The following KCNK10 variants were observed in gnomAD, a reference collection of about 807,000 sequenced individuals.
The protein encoded by KCNK10 is potassium channel subfamily K member 10.
KCNK10 carries 25 observed loss-of-function variants against 47.7 expected under a neutral mutation model. That is an observed-to-expected ratio of 0.52 (90% CI 0.38 to 0.73). The LOEUF (loss-of-function observed/expected upper bound fraction) is 0.73, where lower values mean the gene tolerates loss of function less well. KCNK10 is among the 30% of genes least tolerant of loss of function. KCNK10 has a pLI of 0.00. For missense variants in KCNK10, 563 were observed against 714.5 expected, an observed-to-expected ratio of 0.79 and a Z score of 2.42; for synonymous variants, 303 against 285.6, an observed-to-expected ratio of 1.06 and a Z score of -0.61.
intron 1 of KCNK10, among the ~76,000 whole-genome samples, chr14:88,264,953 C>T (rs1288759717): frequency 6.6e-6 from 1 of 152,188 alleles, no homozygotes; most frequent in Non-Finnish European, 1.5e-5. Context: ...ATTCATTCTG[C>T]CTCATCACTG....
At chr14:88,194,244 T>G (rs1211403942) in intron 4 of KCNK10, among the ~76,000 whole-genome samples, 1 of 152,228 alleles carries the variant, frequency 6.6e-6, no homozygotes, top group Non-Finnish European at 1.5e-5. Context: ...GCAGGGAAAG[T>G]TTTGTCTATT....
chr14:88,251,232 CAAAAAAAA>C (rs1160023262), intron 2 of KCNK10, among the ~76,000 whole-genome samples: 17 of 70,204 alleles, frequency 2.4e-4, no homozygotes, highest in Non-Finnish European at 3.7e-4. Context: ...GACTCTGTCT[CAAAAAAAA>C]AAAAAAAAAA....
At chr14:88,325,975 C>T (rs1008537684), upstream of KCNK10, among the ~76,000 whole-genome samples, 1 of 152,030 alleles carries the variant, frequency 6.6e-6, no homozygotes, top group African/African-American at 2.4e-5. Flanking sequence ...GGGGTAGACT[C>T]TATTAGGGCA....
intron 2 of KCNK10, among the ~76,000 whole-genome samples, chr14:88,246,830 A>T (rs1566701000): frequency 1.3e-5 from 2 of 152,232 alleles, no homozygotes; most frequent in African/African-American, 4.8e-5. Flanking sequence ...ATGAGGACTA[A>T]TACCTTCCAT....
In KCNK10 at chr14:88,185,487, A is replaced by C. The variant is rs907847509; in HGVS notation, c.*48T>G. ...GTCTCAGTGTGAATATTAAAAACACACACACACACACACACAACGCTCAGT... is the reference window on the plus strand; with the variant it reads ...GTCTCAGTGTGAATATTAAAAACACCCACACACACACACACAACGCTCAGT... On this transcript the variant is annotated 3_prime_UTR_variant, in exon 7 of 7. Coordinates refer to ENST00000319231, the MANE Select transcript of KCNK10 (RefSeq NM_138317.3). The surrounding 1 kb of genome is among the most constrained non-coding windows in gnomAD (Gnocchi z 4.3). 1 of 1,562,518 alleles carries C rather than the reference A, an allele frequency of 6.4e-7. No homozygotes were observed.
intron 1 of KCNK10, among the ~76,000 whole-genome samples, chr14:88,280,113 G>C (rs957098839): frequency 3.9e-5 from 6 of 152,118 alleles, no homozygotes; most frequent in African/African-American, 1.4e-4. Context: ...TCCTAAAACT[G>C]CATAAAATCT....
intron 4 of KCNK10, among the ~76,000 whole-genome samples, chr14:88,220,362 A>G (rs188648361): frequency 0.011 from 1,335 of 126,758 alleles, 10 homozygotes; most frequent in South Asian, 0.016. Flanking sequence ...GCTTGCAGTG[A>G]GCCGAGATCG....
At chr14:88,239,876 TAAAATAAAATAAAATAAAATA>T (rs1177362787) in intron 3 of KCNK10, among the ~76,000 whole-genome samples, 1 of 131,590 alleles carries the variant, frequency 7.6e-6, no homozygotes, top group Non-Finnish European at 1.6e-5. Context: ...TAAAATAAAA[TAAAATAAAATAAAATAAAATA>T]AAATAAATAA....
At chr14:88,204,915 A>T (rs1286949784) in intron 4 of KCNK10, among the ~76,000 whole-genome samples, 1 of 152,190 alleles carries the variant, frequency 6.6e-6, no homozygotes, top group Non-Finnish European at 1.5e-5. Context: ...CATAGTATAC[A>T]TTAGGGTTCA....
intron 1 of KCNK10, among the ~76,000 whole-genome samples, chr14:88,317,820 C>T (rs1888460370): frequency 6.6e-6 from 1 of 152,134 alleles, no homozygotes; most frequent in Non-Finnish European, 1.5e-5. Context: ...AAGGTATGGG[C>T]TTCTCCAGAA....
At chr14:88,261,355 C>G (rs1437722594) in intron 2 of KCNK10, among the ~76,000 whole-genome samples, 1 of 152,220 alleles carries the variant, frequency 6.6e-6, no homozygotes, top group Non-Finnish European at 1.5e-5. Context: ...CTTAAAACTA[C>G]TCCAGAATTG....
intron 4 of KCNK10, among the ~76,000 whole-genome samples, chr14:88,197,149 C>G (rs1884939967): frequency 6.6e-6 from 1 of 152,176 alleles, no homozygotes; most frequent in Admixed American, 6.5e-5. Flanking sequence ...TGCAAGACAC[C>G]TATGACAGAC....
chr14:88,195,373 G>T (rs1303819010), intron 4 of KCNK10, among the ~76,000 whole-genome samples: 1 of 152,200 alleles, frequency 6.6e-6, no homozygotes, highest in Non-Finnish European at 1.5e-5. Flanking sequence ...TTAGCACAGT[G>T]CCTGGTTAAT....
At chr14:88,188,169 C>T (rs1455095717) in intron 5 of KCNK10, 60 bp from the exon 6 acceptor site, 3 of 1,555,054 alleles carry the variant, frequency 1.9e-6, no homozygotes, top group Non-Finnish European at 1.8e-6. Flanking sequence ...GCAGAGAACA[C>T]ATATTCCATT....
At chr14:88,293,055 G>T (rs1054565110) in intron 1 of KCNK10, among the ~76,000 whole-genome samples, 6 of 152,152 alleles carry the variant, frequency 3.9e-5, no homozygotes, top group Non-Finnish European at 7.4e-5. Flanking sequence ...GCCTGGAAAA[G>T]CTGTGAGGTA....
chr14:88,214,401 A>G (rs942467350), intron 4 of KCNK10, among the ~76,000 whole-genome samples: 11 of 152,224 alleles, frequency 7.2e-5, no homozygotes, highest in African/African-American at 2.7e-4. Flanking sequence ...CAGGTTGTAC[A>G]AAGTAGAGCA....
chr14:88,237,217 A>G (rs1223578050), intron 3 of KCNK10, among the ~76,000 whole-genome samples: 12 of 152,224 alleles, frequency 7.9e-5, no homozygotes, highest in Non-Finnish European at 1.2e-4. Context: ...ATCCATAAGA[A>G]GAAGCTCCTA....
intron 4 of KCNK10, among the ~76,000 whole-genome samples, chr14:88,203,040 G>A (rs1293190405): frequency 6.6e-6 from 1 of 152,196 alleles, no homozygotes; most frequent in Non-Finnish European, 1.5e-5. Context: ...GAGGTGGGGT[G>A]GCAGGCAGGA....
intron 2 of KCNK10, among the ~76,000 whole-genome samples, chr14:88,257,093 G>C (rs956894921): frequency 2.0e-5 from 3 of 152,134 alleles, no homozygotes; most frequent in African/African-American, 7.2e-5. Context: ...TAATTTTCAA[G>C]TTTTCTCTGT....
Sources: allele counts gnomAD v4.1 joint callset (sites outside exome capture counted in the v4.1 genomes callset), GRCh38; gene constraint gnomAD v4.1.1; non-coding constraint Gnocchi (gnomAD v3.1); transcripts MANE v1.5; gene names NCBI Gene and HGNC (gene_info 2026-07-23, HGNC 2026-07-21).